HSPA12A: variants seen among roughly 807,000 people sequenced by gnomAD.
HSPA12A encodes the protein heat shock protein family A (Hsp70) member 12A.
In HSPA12A, 28 loss-of-function variants were observed where a neutral mutation model predicts 69.2. That is an observed-to-expected ratio of 0.40 (90% CI 0.30 to 0.55). The LOEUF is 0.55. Among genes scored for constraint, HSPA12A ranks in the 20% least tolerant of loss-of-function variants. The pLI is 0.38. For synonymous variants in HSPA12A, 345 were observed against 370.5 expected (o/e 0.93, Z 0.79); for missense variants, 686 against 900.7 (o/e 0.76, Z 3.05).
intron 11 of HSPA12A, among the ~76,000 whole-genome samples, chr10:116,676,171 T>C (rs1589617247): frequency 6.6e-6 from 1 of 152,218 alleles, no homozygotes; most frequent in African/African-American, 2.4e-5. Flanking sequence ...AAAGCTTGGG[T>C]GAGACAAGCT....
intron 2 of HSPA12A, among the ~76,000 whole-genome samples, chr10:116,800,144 C>T (rs1435314029): frequency 6.6e-6 from 1 of 152,226 alleles, no homozygotes; most frequent in Non-Finnish European, 1.5e-5. Flanking sequence ...CAACTGGCTT[C>T]TTGCCAATAC....
chr10:116,806,263 C>T (rs564492592), intron 2 of HSPA12A, among the ~76,000 whole-genome samples: 4 of 152,286 alleles, frequency 2.6e-5, no homozygotes, highest in Non-Finnish European at 5.9e-5. Flanking sequence ...TGCAATGGCA[C>T]GATCTCAGCT....
chr10:116,805,295 G>T (rs548725041), intron 2 of HSPA12A, among the ~76,000 whole-genome samples: 2 of 152,232 alleles, frequency 1.3e-5, no homozygotes, highest in East Asian at 3.9e-4. Flanking sequence ...CAGCCTGGGC[G>T]ACAGAGAGAG....
In HSPA12A at chr10:116,676,296, C is replaced by A. The variant is rs575826569; in HGVS notation, c.1390+103G>T. 1.0e-3 allele frequency: 1,014 copies of A among 967,210 alleles called. 3 individuals carry two copies. The highest frequency in any genetic ancestry group is 1.3e-3 in the Non-Finnish European group (802 of 619,242). The allele number at this position is 967,210 out of a possible 1,614,324, so 59.9% of individuals were successfully genotyped here. A position where few individuals can be genotyped will look rare whatever the true frequency, so the allele number is the denominator to read the frequency against. ...GGGCCCTTGCCTGTGGCTCCCAGATCCAGGCCAACCTGACTCCACAGGCAC... is the reference window on the plus strand; with the variant it reads ...GGGCCCTTGCCTGTGGCTCCCAGATACAGGCCAACCTGACTCCACAGGCAC... On this transcript the variant is annotated intron_variant, in intron 11 of 11. Transcript: ENST00000369209.
intron 2 of HSPA12A, among the ~76,000 whole-genome samples, chr10:116,753,091 C>T (rs1453747360): frequency 1.9e-4 from 29 of 152,214 alleles, no homozygotes; most frequent in African/African-American, 7.0e-4. Context: ...GGGATGTTGG[C>T]CACGTGTGGG....
At chr10:116,761,309 A>G (rs1843965813) in intron 2 of HSPA12A, among the ~76,000 whole-genome samples, 2 of 152,124 alleles carry the variant, frequency 1.3e-5, no homozygotes, top group Admixed American at 1.3e-4. Context: ...AACATGGTGA[A>G]ACACCGTCTC....
At chr10:116,738,706 C>T (rs907394534) in intron 1 of HSPA12A, among the ~76,000 whole-genome samples, 40 of 152,174 alleles carry the variant, frequency 2.6e-4, no homozygotes, top group Admixed American at 1.4e-3. Context: ...AGATCTCATC[C>T]CGATGGATGA....
chr10:116,839,766 A>G (rs1845775692), intron 1 of HSPA12A, among the ~76,000 whole-genome samples: 1 of 152,144 alleles, frequency 6.6e-6, no homozygotes, highest in African/African-American at 2.4e-5. Flanking sequence ...GATCATAAAC[A>G]TAGTAACTGC....
At chr10:116,835,472 T>C (rs1341909898) in intron 1 of HSPA12A, among the ~76,000 whole-genome samples, 5 of 152,066 alleles carry the variant, frequency 3.3e-5, no homozygotes, top group African/African-American at 1.2e-4. Context: ...ACAGAGCCAA[T>C]GTACCACCAG....
At chr10:116,840,524 T>C (rs990013384) in intron 1 of HSPA12A, among the ~76,000 whole-genome samples, 2 of 152,200 alleles carry the variant, frequency 1.3e-5, no homozygotes, top group African/African-American at 4.8e-5. Flanking sequence ...AGCTTAGCTA[T>C]AAAGAAAAGA....
intron 1 of HSPA12A, among the ~76,000 whole-genome samples, chr10:116,714,106 G>C (rs1487712883): frequency 7.9e-5 from 12 of 151,752 alleles, no homozygotes; most frequent in Admixed American, 6.6e-4. Context: ...CGGATGGATG[G>C]GTTGGTAAGT....
intron 2 of HSPA12A, among the ~76,000 whole-genome samples, chr10:116,801,972 T>C (rs931791012): frequency 5.3e-5 from 8 of 152,132 alleles, no homozygotes; most frequent in Non-Finnish European, 1.5e-5. Flanking sequence ...TCTAAAATCA[T>C]TTCAAAATGA....
intron 1 of HSPA12A, among the ~76,000 whole-genome samples, chr10:116,741,846 G>C (rs2133069362): frequency 6.6e-6 from 1 of 152,330 alleles, no homozygotes; most frequent in Admixed American, 6.5e-5. Context: ...TGAGTCCCTG[G>C]GGATGGGCGG....
At chr10:116,727,501 C>A (rs1177623261) in intron 1 of HSPA12A, among the ~76,000 whole-genome samples, 1 of 152,148 alleles carries the variant, frequency 6.6e-6, no homozygotes, top group African/African-American at 2.4e-5. Flanking sequence ...TACACCGAGT[C>A]CAGGTAGGAG....
At chr10:116,706,787 G>T (rs1239186321) in intron 2 of HSPA12A, among the ~76,000 whole-genome samples, 1 of 152,136 alleles carries the variant, frequency 6.6e-6, no homozygotes, top group Non-Finnish European at 1.5e-5. Flanking sequence ...GGGTCTTTTC[G>T]ATACTGCAGA....
intron 1 of HSPA12A, among the ~76,000 whole-genome samples, chr10:116,715,241 C>T (rs1478119841): frequency 6.6e-6 from 1 of 152,164 alleles, no homozygotes. Context: ...TGATAATTTC[C>T]CAGGCTATCC....
chr10:116,751,558 C>A (rs545867958), intron 2 of HSPA12A, among the ~76,000 whole-genome samples: 10 of 152,126 alleles, frequency 6.6e-5, no homozygotes, highest in Non-Finnish European at 1.5e-4. Context: ...ATAAGGACCC[C>A]TCAGGTACCC....
intron 1 of HSPA12A, among the ~76,000 whole-genome samples, chr10:116,837,546 C>T (rs547133053): frequency 1.3e-5 from 2 of 152,236 alleles, no homozygotes; most frequent in Non-Finnish European, 2.9e-5. Context: ...GGCAATAAAT[C>T]TGAAAAAGCC....
At chr10:116,773,376 G>A (rs528690428) in intron 2 of HSPA12A, among the ~76,000 whole-genome samples, 2 of 152,368 alleles carry the variant, frequency 1.3e-5, no homozygotes, top group Middle Eastern at 3.4e-3. Flanking sequence ...GCTCTGGTCT[G>A]GTACCCCCAG....
Sources: allele counts gnomAD v4.1 joint callset (sites outside exome capture counted in the v4.1 genomes callset), GRCh38; gene constraint gnomAD v4.1.1; transcripts MANE v1.5; gene names NCBI Gene and HGNC (gene_info 2026-07-23, HGNC 2026-07-21).